KIAA0825: variants seen among roughly 807,000 people sequenced by gnomAD.
The protein encoded by KIAA0825 is uncharacterized protein KIAA0825.
Under a neutral mutation model 147.6 loss-of-function variants are expected in KIAA0825, and 119 were observed. The observed-to-expected ratio is 0.81, with a 90% CI of 0.69 to 0.94. KIAA0825 has a LOEUF of 0.94. Ranked by LOEUF, KIAA0825 falls within the 40% of genes least tolerant of loss-of-function variation. The pLI is 0.00. For missense variants in KIAA0825, 1,381 were observed against 1,472.7 expected (o/e 0.94, Z 1.02); for synonymous variants, 470 against 518.1 (o/e 0.91, Z 1.26).
At chr5:94,570,702 A>T (rs1779805508) in intron 2 of KIAA0825, 1 of 152,214 alleles carries the variant, frequency 6.6e-6, no homozygotes, top group Non-Finnish European at 1.5e-5. Context: ...ATAAACCAAT[A>T]CACCGGTCTT....
At chr5:94,379,474 A>G (rs1209106483) in intron 20 of KIAA0825, among the ~76,000 whole-genome samples, 3 of 152,114 alleles carry the variant, frequency 2.0e-5, no homozygotes, top group African/African-American at 7.2e-5. Context: ...CTGTTTTTGT[A>G]CCATACCATG....
At chr5:94,394,921 A>G (rs1750435704) in intron 17 of KIAA0825, among the ~76,000 whole-genome samples, 1 of 152,208 alleles carries the variant, frequency 6.6e-6, no homozygotes, top group East Asian at 1.9e-4. Context: ...CAGGAAAATC[A>G]TGATTACCTA....
chr5:94,475,302 A>G (rs907089990), intron 7 of KIAA0825, among the ~76,000 whole-genome samples: 6 of 152,180 alleles, frequency 3.9e-5, no homozygotes, highest in South Asian at 2.1e-4. Context: ...GGGCATGTCT[A>G]TTTACTAAAG....
chr5:94,440,124 T>C lies in KIAA0825; in HGVS notation c.2358-3A>G. ...TCAGTCCTCCAGCTGATGGAGTCCT[T>C]TCAAAATGCAAGATAAAGATGGAGT... On this transcript the variant is annotated splice_region_variant and splice_polypyrimidine_tract_variant and intron_variant, in intron 13 of 20. Coordinates refer to ENST00000682413, the MANE Select transcript of KIAA0825 (RefSeq NM_001145678.3). 1 of 1,550,132 alleles carries C rather than the reference T, an allele frequency of 6.5e-7. No homozygotes were observed. The highest frequency in any genetic ancestry group is 1.4e-5 in the African/African-American group (1 of 73,044).
At chr5:94,515,326 G>A (rs1767051761) in intron 5 of KIAA0825, among the ~76,000 whole-genome samples, 2 of 152,122 alleles carry the variant, frequency 1.3e-5, no homozygotes, top group Admixed American at 6.5e-5. Context: ...GATGATATGT[G>A]TACAATTGTA....
At chr5:94,278,241 G>A (rs1395835574) in intron 20 of KIAA0825, among the ~76,000 whole-genome samples, 1 of 152,068 alleles carries the variant, frequency 6.6e-6, no homozygotes, top group Non-Finnish European at 1.5e-5. Flanking sequence ...TAACACACAT[G>A]CAAGTTCAGC....
At position 94,166,504 on chromosome 5, in the gene KIAA0825, G is replaced by GTTTTTTTTTT. The variant is rs535152982; in HGVS notation, c.3711-12390_3711-12381dup. On this transcript the variant is annotated intron_variant, in intron 20 of 20. Transcript: ENST00000682413. ...ATAATTCATGTCCTTCCTCTTGGTT[G>GTTTTTTTTTT]TTTTTTTTTTTTTTTTTTTTTGAGA... Among the ~76,000 whole-genome samples, 31 of 100,778 alleles carry GTTTTTTTTTT rather than the reference G, an allele frequency of 3.1e-4. 1 individual carries two copies. The highest frequency in any genetic ancestry group is 3.8e-4 in the Non-Finnish European group (19 of 50,506). 66.1% of individuals were successfully genotyped at this position (100,778 alleles called of 152,430 possible). A position where few individuals can be genotyped will look rare whatever the true frequency, so the allele number is the denominator to read the frequency against.
At chr5:94,608,954 A>G (rs914532913) in intron 1 of KIAA0825, among the ~76,000 whole-genome samples, 2 of 152,158 alleles carry the variant, frequency 1.3e-5, no homozygotes, top group Admixed American at 6.5e-5. Context: ...AAAGGCTGGT[A>G]TATTATGTAA....
At chr5:94,540,811 A>G (rs556688218) in intron 2 of KIAA0825, among the ~76,000 whole-genome samples, 6 of 152,324 alleles carry the variant, frequency 3.9e-5, no homozygotes, top group African/African-American at 1.4e-4. Flanking sequence ...AAGGTCATAA[A>G]CTGCTTAACT....
chr5:94,205,325 G>A (rs994256938), intron 20 of KIAA0825, among the ~76,000 whole-genome samples: 17 of 112,604 alleles, frequency 1.5e-4, no homozygotes, highest in South Asian at 3.0e-4. Context: ...TTTTTGAGAC[G>A]GAGTCTTGCT....
At chr5:94,431,179 G>A (rs1475734002) in intron 14 of KIAA0825, among the ~76,000 whole-genome samples, 1 of 152,134 alleles carries the variant, frequency 6.6e-6, no homozygotes, top group African/African-American at 2.4e-5. Flanking sequence ...CATAAGTTAA[G>A]TACCTACTAT....
intron 20 of KIAA0825, among the ~76,000 whole-genome samples, chr5:94,256,494 T>C (rs1369455570): frequency 6.6e-6 from 1 of 152,208 alleles, no homozygotes; most frequent in Admixed American, 6.5e-5. Flanking sequence ...ATTAAAATCA[T>C]GTAATGCTTA....
chr5:94,208,224 A>G (rs997139143), intron 20 of KIAA0825, among the ~76,000 whole-genome samples: 1 of 152,250 alleles, frequency 6.6e-6, no homozygotes, highest in African/African-American at 2.4e-5. Flanking sequence ...TATAAGTAAA[A>G]CAAACAAATA....
At chr5:94,227,120 C>T (rs1774249210) in intron 20 of KIAA0825, among the ~76,000 whole-genome samples, 1 of 152,170 alleles carries the variant, frequency 6.6e-6, no homozygotes, top group African/African-American at 2.4e-5. Context: ...CTGCACTATT[C>T]ACAATAGCAA....
chr5:94,290,529 A>G (rs771783006), intron 20 of KIAA0825, among the ~76,000 whole-genome samples: 2 of 152,130 alleles, frequency 1.3e-5, no homozygotes, highest in African/African-American at 2.4e-5. Flanking sequence ...TATCCAATCT[A>G]TCACTGATGG....
At chr5:94,530,805 AG>A (rs11317786) in intron 3 of KIAA0825, among the ~76,000 whole-genome samples, 31,900 of 152,062 alleles carry the variant, frequency 0.21, 3,584 homozygotes, top group East Asian at 0.33. Context: ...GGTCTTCACC[AG>A]GCACCTCAGA....
At chr5:94,530,148 G>C (rs1770482150) in intron 3 of KIAA0825, among the ~76,000 whole-genome samples, 1 of 151,610 alleles carries the variant, frequency 6.6e-6, no homozygotes. Flanking sequence ...GCACATACCT[G>C]TAATCCCAGC....
At chr5:94,614,289 G>A (rs887082682) in intron 1 of KIAA0825, among the ~76,000 whole-genome samples, 7 of 152,144 alleles carry the variant, frequency 4.6e-5, no homozygotes, top group African/African-American at 1.7e-4. Flanking sequence ...CTGAGTGGTG[G>A]GGTCATGGGC....
intron 20 of KIAA0825, among the ~76,000 whole-genome samples, chr5:94,160,015 T>G (rs942211964): frequency 2.0e-5 from 3 of 152,220 alleles, no homozygotes; most frequent in Non-Finnish European, 4.4e-5. Context: ...AAAGTCATAT[T>G]GGATTTTATT....
Sources: gnomAD v4.1 joint callset for allele counts (sites outside exome capture counted in the v4.1 genomes callset) on GRCh38, gnomAD v4.1.1 for gene constraint, MANE v1.5 for transcripts, NCBI Gene and HGNC (gene_info 2026-07-23, HGNC 2026-07-21) for gene names.